Variants in RIC1 observed in about 807,000 individuals in gnomAD.
RIC1 encodes RIC1 partner of RAB6A GEF complex, also known as guanine nucleotide exchange factor subunit RIC1.
In RIC1, 88 loss-of-function variants were observed where a neutral mutation model predicts 169.0. The ratio of observed to expected loss-of-function variants is 0.52; its 90% CI spans 0.44 to 0.62. The LOEUF (loss-of-function observed/expected upper bound fraction) is 0.62. Ranked by LOEUF, RIC1 falls within the 20% of genes least tolerant of loss-of-function variation. RIC1 has a pLI of 0.00. For missense variants in RIC1, 1,877 were observed against 1,725.5 expected, an observed-to-expected ratio of 1.09 and a Z score of -1.56; for synonymous variants, 790 against 601.5, an observed-to-expected ratio of 1.31 and a Z score of -4.59.
chr9:5,679,018 TGTATAAG>T (rs1175375656), intron 2 of RIC1, among the ~76,000 whole-genome samples: 1 of 152,176 alleles, frequency 6.6e-6, no homozygotes, highest in Non-Finnish European at 1.5e-5. Flanking sequence ...AATTAATTTT[TGTATAAG>T]GTATAAGGAA....
At chr9:5,703,348 C>A (rs576547109) in intron 3 of RIC1, among the ~76,000 whole-genome samples, 8 of 152,182 alleles carry the variant, frequency 5.3e-5, no homozygotes, top group Non-Finnish European at 1.0e-4. Context: ...AAAATAACCT[C>A]CTTTGACTCC....
rs189231560 is a variant in RIC1 at position 5,651,064 on chromosome 9, C to G, written c.145-5519C>G. Among the ~76,000 whole-genome samples, 46 of 152,286 alleles carry G rather than the reference C, an allele frequency of 3.0e-4. 1 individual carries two copies. The highest frequency in any genetic ancestry group is 8.5e-4 in the Admixed American group (13 of 15,304). On this transcript the variant is annotated intron_variant, in intron 1 of 25. Transcript: ENST00000414202. Reference sequence around the variant, plus strand: ...ACAGGACCCAGTGTGAGCTCTCTCTCTGGAGCAGTGTCATCACATGGTCTC... The same window carrying G: ...ACAGGACCCAGTGTGAGCTCTCTCTGTGGAGCAGTGTCATCACATGGTCTC...
At chr9:5,687,420 T>A (rs1468735701) in intron 2 of RIC1, among the ~76,000 whole-genome samples, 1 of 152,222 alleles carries the variant, frequency 6.6e-6, no homozygotes, top group Non-Finnish European at 1.5e-5. Flanking sequence ...TGTTTCTAGT[T>A]TAAGGTAGAA....
intron 1 of RIC1, among the ~76,000 whole-genome samples, chr9:5,655,327 G>T (rs1210730717): frequency 6.6e-6 from 1 of 152,096 alleles, no homozygotes; most frequent in Non-Finnish European, 1.5e-5. Flanking sequence ...TGGAGACAGA[G>T]TCTCGCTCTT....
At chr9:5,679,821 A>T (rs1820703574) in intron 2 of RIC1, among the ~76,000 whole-genome samples, 1 of 152,168 alleles carries the variant, frequency 6.6e-6, no homozygotes, top group African/African-American at 2.4e-5. Flanking sequence ...TCCTAATTGA[A>T]TGCCCTTTAT....
intron 2 of RIC1, among the ~76,000 whole-genome samples, chr9:5,667,762 G>C (rs1160259805): frequency 1.3e-5 from 2 of 152,084 alleles, no homozygotes; most frequent in Non-Finnish European, 2.9e-5. Context: ...GCCTTGGCCT[G>C]TCAAGTGCTG....
chr9:5,772,489 A>G (rs1425170061), intron 23 of RIC1, 75 bp from the exon 24 acceptor site: 1 of 1,196,440 alleles, frequency 8.4e-7, no homozygotes, highest in African/African-American at 1.5e-5. Flanking sequence ...TCTGAGGAAC[A>G]GCTAATATTT....
intron 1 of RIC1, among the ~76,000 whole-genome samples, chr9:5,632,434 C>A (rs770863735): frequency 6.6e-6 from 1 of 152,140 alleles, no homozygotes; most frequent in Non-Finnish European, 1.5e-5. Flanking sequence ...ATTCGGAATT[C>A]CACTGTTTAG....
chr9:5,697,135 T>A (rs559212134), intron 3 of RIC1, among the ~76,000 whole-genome samples: 19 of 152,286 alleles, frequency 1.2e-4, no homozygotes, highest in African/African-American at 4.6e-4. Context: ...CCCCTGCAGG[T>A]TTCTAGAGCT....
intron 2 of RIC1, among the ~76,000 whole-genome samples, chr9:5,677,786 A>G (rs1008745579): frequency 6.6e-6 from 1 of 152,160 alleles, no homozygotes; most frequent in African/African-American, 2.4e-5. Context: ...AATTAAAACT[A>G]CATTGTTTTG....
intron 3 of RIC1, among the ~76,000 whole-genome samples, chr9:5,711,056 C>G (rs149324953): frequency 6.6e-6 from 1 of 152,232 alleles, no homozygotes; most frequent in East Asian, 1.9e-4. Flanking sequence ...GTAGATTGAA[C>G]AGGTCTACCA....
At chr9:5,643,978 A>T (rs1189396981) in intron 1 of RIC1, among the ~76,000 whole-genome samples, 1 of 152,160 alleles carries the variant, frequency 6.6e-6, no homozygotes, top group Admixed American at 6.5e-5. Context: ...CTGTCCCCCA[A>T]GTAGTTTACC....
Position 5,774,313 on chromosome 9 carries a change from A to G in RIC1, c.*67A>G. On this transcript the variant is annotated 3_prime_UTR_variant, in exon 26 of 26. Coordinates refer to ENST00000414202, the MANE Select transcript of RIC1 (RefSeq NM_020829.4). ...AGCGTGCAGCTCAGTACGTTGTAAC[A>G]TAGTTGGATGATTTAACAGGAGAAC... The G allele has an allele frequency of 7.3e-7, 1 of 1,364,632 alleles. No homozygotes were observed. The highest frequency in any genetic ancestry group is 9.9e-7 in the Non-Finnish European group (1 of 1,006,424). 84.5% of individuals were successfully genotyped at this position (1,364,632 alleles called of 1,614,324 possible).
In RIC1 at chr9:5,765,576, A is replaced by C. The variant is rs1175088546; in HGVS notation, c.3000+4A>C. The C allele has an allele frequency of 1.2e-6, 2 of 1,613,978 alleles. No individual in the cohort carries two copies. Among genetic ancestry groups the C allele is most frequent in the East Asian group, 2.2e-5 (1 of 44,888 alleles). On this transcript the variant is annotated splice_donor_region_variant and intron_variant, in intron 20 of 25. Coordinates refer to ENST00000414202, the MANE Select transcript of RIC1 (RefSeq NM_020829.4). The stretch of plus-strand genomic sequence containing the variant: ...TCCATCCACACCCACAGCTCAGGTT[A>C]GTTGCAAAAGTTACACATCTTCTCT...
chr9:5,635,127 A>C (rs1464824755), intron 1 of RIC1, among the ~76,000 whole-genome samples: 1 of 152,094 alleles, frequency 6.6e-6, no homozygotes, highest in African/African-American at 2.4e-5. Flanking sequence ...AGCTGGGAGT[A>C]CAGATGCATG....
At chr9:5,671,904 A>C (rs1423931453) in intron 2 of RIC1, among the ~76,000 whole-genome samples, 1 of 152,246 alleles carries the variant, frequency 6.6e-6, no homozygotes, top group East Asian at 1.9e-4. Context: ...GTGAGCTTAA[A>C]AAAGTGGAAT....
Position 5,773,092 on chromosome 9 carries a change from T to A in RIC1, c.3983+12T>A, listed in dbSNP as rs765081546. Reference sequence around the variant, plus strand: ...GCCTCTACAGACTGGTAAGTGCTGCTTTCCTTAGGCTTGGTGTCCTTCCAT... The same window carrying A: ...GCCTCTACAGACTGGTAAGTGCTGCATTCCTTAGGCTTGGTGTCCTTCCAT... On this transcript the variant is annotated intron_variant, in intron 25 of 25. Coordinates refer to ENST00000414202, the MANE Select transcript of RIC1 (RefSeq NM_020829.4). 1.9e-6 allele frequency: 3 copies of A among 1,569,562 alleles called. No homozygotes were observed. Among genetic ancestry groups the A allele is most frequent in the Non-Finnish European group, 2.6e-6 (3 of 1,157,502 alleles).
At chr9:5,759,138 A>G (rs1826186919) in intron 17 of RIC1, among the ~76,000 whole-genome samples, 1 of 152,202 alleles carries the variant, frequency 6.6e-6, no homozygotes, top group African/African-American at 2.4e-5. Flanking sequence ...AGTTAGTCCT[A>G]ATTGATAAGG....
chr9:5,726,284 A>G (rs1823977716), intron 6 of RIC1, among the ~76,000 whole-genome samples: 2 of 152,174 alleles, frequency 1.3e-5, no homozygotes. Flanking sequence ...TTCTTGTTGA[A>G]TTGATCCCTT....
Sources: gnomAD v4.1 joint callset for allele counts (sites outside exome capture counted in the v4.1 genomes callset) on GRCh38, gnomAD v4.1.1 for gene constraint, MANE v1.5 for transcripts, NCBI Gene and HGNC (gene_info 2026-07-23, HGNC 2026-07-21) for gene names.